The following INSL6 variants were observed in gnomAD, a reference collection of about 807,000 sequenced individuals.
The protein encoded by INSL6 is insulin like 6.
A neutral mutation model predicts 9.4 loss-of-function variants in INSL6; 16 were observed. The ratio of observed to expected loss-of-function variants is 1.70; its 90% CI spans 1.15 to 2.59. The LOEUF is 2.59. INSL6 is among the 30% of genes most tolerant of loss of function. The pLI, the probability that INSL6 is intolerant of heterozygous loss-of-function variation, is 0.00. For missense variants in INSL6, 391 were observed against 257.3 expected, an observed-to-expected ratio of 1.52 and a Z score of -3.56; for synonymous variants, 154 against 96.9, an observed-to-expected ratio of 1.59 and a Z score of -3.46.
At chr9:5,142,735 G>C (rs1425202067) in intron 2 of INSL6, among the ~76,000 whole-genome samples, 3 of 152,136 alleles carry the variant, frequency 2.0e-5, no homozygotes, top group African/African-American at 4.8e-5. Flanking sequence ...CCAGTACTAT[G>C]TTGAATAGGA....
At chr9:5,179,242 C>T (rs1035600944) in intron 1 of INSL6, among the ~76,000 whole-genome samples, 1 of 151,918 alleles carries the variant, frequency 6.6e-6, no homozygotes, top group Non-Finnish European at 1.5e-5. Context: ...ATATATGTGG[C>T]CAACAAACAA....
chr9:5,096,008 CTGAA>C, the INSL6 span, among the ~76,000 whole-genome samples: 3 of 152,260 alleles, frequency 2.0e-5, no homozygotes, highest in African/African-American at 4.8e-5. Context: ...GGATTTCTGC[CTGAA>C]TGAGTCATCA....
the INSL6 span, chr9:5,110,621 A>C: frequency 5.2e-6 from 1 of 193,042 alleles, no homozygotes; most frequent in South Asian, 1.0e-4. Flanking sequence ...CTTTCTTCAC[A>C]GGCTTTTACT....
chr9:5,183,896 C>G (rs1825511219), intron 1 of INSL6, among the ~76,000 whole-genome samples: 2 of 152,172 alleles, frequency 1.3e-5, no homozygotes, highest in South Asian at 4.1e-4. Flanking sequence ...CCCAGGTCTA[C>G]TAACTCAGAG....
At chr9:5,126,909 C>A in intron 3 of INSL6, 1 of 520,370 alleles carries the variant, frequency 1.9e-6, no homozygotes. Context: ...TGCTAGCCAG[C>A]AAAGATGTGA....
chr9:5,062,212 C>CTG, the INSL6 span, among the ~76,000 whole-genome samples: 1 of 151,802 alleles, frequency 6.6e-6, no homozygotes, highest in Non-Finnish European at 1.5e-5. Flanking sequence ...TGACATTTTG[C>CTG]ATATATGGGT....
At chr9:5,136,596 A>C (rs938631937) in intron 2 of INSL6, among the ~76,000 whole-genome samples, 31 of 152,192 alleles carry the variant, frequency 2.0e-4, no homozygotes, top group Admixed American at 9.8e-4. Context: ...AGTCTCAATA[A>C]ACTAGGTACT....
the INSL6 span, among the ~76,000 whole-genome samples, chr9:5,118,347 C>T: frequency 1.3e-5 from 2 of 152,068 alleles, no homozygotes; most frequent in African/African-American, 2.4e-5. Context: ...TTTGGATAAT[C>T]TTATGATCAC....
chr9:5,124,956 T>C (rs1276161162), intron 3 of INSL6, among the ~76,000 whole-genome samples: 1 of 151,536 alleles, frequency 6.6e-6, no homozygotes, highest in African/African-American at 2.4e-5. Flanking sequence ...AAAGGGGATA[T>C]TGGGAAGCTA....
chr9:5,041,932 T>A, the INSL6 span: 1 of 388,880 alleles, frequency 2.6e-6, no homozygotes. Context: ...GAAATGCTGC[T>A]GTTTCTTCCC....
the INSL6 span, chr9:5,073,651 T>G: frequency 1.4e-6 from 2 of 1,381,104 alleles, no homozygotes; most frequent in Non-Finnish European, 2.0e-6. Flanking sequence ...GAACTATTTA[T>G]GGACAACAGT....
At chr9:5,066,808 T>C in the INSL6 span, 7 of 1,136,338 alleles carry the variant, frequency 6.2e-6, no homozygotes, top group Non-Finnish European at 8.7e-6. Flanking sequence ...GTCACACTTA[T>C]TAGTGGTAAC....
intron 2 of INSL6, among the ~76,000 whole-genome samples, chr9:5,143,974 C>T (rs931275812): frequency 4.0e-5 from 6 of 151,748 alleles, no homozygotes; most frequent in Admixed American, 1.3e-4. Context: ...GTTGATCTTT[C>T]GAATCATTTT....
At chr9:5,124,250 A>G (rs183087953) in exon 4 of INSL6, among the ~76,000 whole-genome samples, 3 of 151,708 alleles carry the variant, frequency 2.0e-5, no homozygotes, top group Admixed American at 6.6e-5. Flanking sequence ...TTTGTTGCCT[A>G]TGCTTTTGAG....
downstream of INSL6, among the ~76,000 whole-genome samples, chr9:5,163,417 T>C (rs371846400): frequency 6.6e-6 from 1 of 152,202 alleles, no homozygotes; most frequent in African/African-American, 2.4e-5. Context: ...AGAAACTGAC[T>C]ACTATAATAA....
the INSL6 span, among the ~76,000 whole-genome samples, chr9:5,060,669 G>C: frequency 6.6e-6 from 1 of 152,080 alleles, no homozygotes; most frequent in African/African-American, 2.4e-5. Context: ...CATTGAAGTC[G>C]TGAACCCCTC....
chr9:5,066,297 T>C, the INSL6 span, among the ~76,000 whole-genome samples: 2 of 152,132 alleles, frequency 1.3e-5, no homozygotes, highest in Non-Finnish European at 1.5e-5. Flanking sequence ...GTAACTGCTA[T>C]GGTAGTAGAG....
At chr9:5,098,705 T>G in the INSL6 span, 2 of 152,172 alleles carry the variant, frequency 1.3e-5, no homozygotes, top group South Asian at 4.2e-4. Context: ...TCCTTTTTTT[T>G]TTTTTTGAGA....
chr9:5,072,846 G>A, the INSL6 span, among the ~76,000 whole-genome samples: 35,537 of 152,046 alleles, frequency 0.23, 4,307 homozygotes, highest in Middle Eastern at 0.26. Context: ...TTAGCATTAT[G>A]TTAGGAGTGT....
Sources: allele counts gnomAD v4.1 joint callset (sites outside exome capture counted in the v4.1 genomes callset), GRCh38; gene constraint gnomAD v4.1.1; transcripts MANE v1.5; gene names NCBI Gene and HGNC (gene_info 2026-07-23, HGNC 2026-07-21).